Variants in NDST1 observed in about 807,000 individuals in gnomAD.
The protein encoded by NDST1 is N-deacetylase and N-sulfotransferase 1.
A neutral mutation model predicts 92.8 loss-of-function variants in NDST1; 35 were observed. The observed-to-expected ratio is 0.38, with a 90% CI of 0.29 to 0.50. The LOEUF is 0.50. NDST1 is among the 20% of genes least tolerant of loss of function. The probability of loss-of-function intolerance (pLI) is 0.94; values close to 1 mark genes in which losing one functional copy is unlikely to be tolerated. For synonymous variants in NDST1, 493 were observed against 500.3 expected (o/e 0.99, Z 0.19); for missense variants, 822 against 1,182.7 (o/e 0.69, Z 4.47).
intron 1 of NDST1, among the ~76,000 whole-genome samples, 164 bp downstream of exon 1, chr5:150,508,390 G>A (rs942694337): frequency 6.6e-6 from 1 of 152,016 alleles, no homozygotes; most frequent in Non-Finnish European, 1.5e-5. Flanking sequence ...TGGCACTTGA[G>A]CCTGGCACTG....
At chr5:150,514,005 G>A (rs933067885) in intron 1 of NDST1, among the ~76,000 whole-genome samples, 1 of 152,244 alleles carries the variant, frequency 6.6e-6, no homozygotes, top group Non-Finnish European at 1.5e-5. Context: ...GCTGGGACTA[G>A]GGCTAGGGGA....
At chr5:150,544,018 T>C (rs1755367702) in intron 10 of NDST1, among the ~76,000 whole-genome samples, 2 of 152,238 alleles carry the variant, frequency 1.3e-5, no homozygotes, top group African/African-American at 4.8e-5. Flanking sequence ...GACCTCGTGA[T>C]CTGCCCGCCT....
chr5:150,539,491 C>G, intron 7 of NDST1, 135 bp downstream of exon 7: 1 of 1,580,384 alleles, frequency 6.3e-7, no homozygotes, highest in South Asian at 1.1e-5. Flanking sequence ...GAGACCCACT[C>G]TCCAGCACTG....
intron 11 of NDST1, among the ~76,000 whole-genome samples, chr5:150,546,259 G>A (rs559503543): frequency 1.3e-5 from 2 of 152,194 alleles, no homozygotes; most frequent in Admixed American, 1.3e-4. Context: ...GCCTCTCAAA[G>A]TGCTGGCATT....
At chr5:150,551,981 AG>A in intron 14 of NDST1, 126 bp downstream of exon 14, 1 of 1,456,124 alleles carries the variant, frequency 6.9e-7, no homozygotes, top group African/African-American at 1.4e-5. Flanking sequence ...TTTCTTGGAC[AG>A]TATTTGTAAG....
chr5:150,535,686 C>A lies in NDST1; in HGVS notation c.1252-14C>A. 1 of 1,614,144 alleles carries A rather than the reference C, an allele frequency of 6.2e-7. No individual in the cohort carries two copies. Among genetic ancestry groups the A allele is most frequent in the South Asian group, 1.1e-5 (1 of 91,078 alleles). On this transcript the variant is annotated splice_polypyrimidine_tract_variant and intron_variant, in intron 5 of 14. Coordinates refer to ENST00000261797, the MANE Select transcript of NDST1 (RefSeq NM_001543.5). ...ACCCCTATGCTCACCCTGGCCTGGT[C>A]ATCCTCTCCCTAGGAGCATGGCATT...
At chr5:150,551,653 T>C in intron 13 of NDST1, 100 bp from the exon 14 acceptor site, 1 of 1,448,380 alleles carries the variant, frequency 6.9e-7, no homozygotes, top group Non-Finnish European at 9.5e-7. Context: ...AGCAGTAGAT[T>C]CCCTGGTCTC....
rs139479616 is a variant in NDST1 at position 150,526,542 on chromosome 5, C to T, written c.514-1262C>T. Among the ~76,000 whole-genome samples, 686 of 152,300 alleles carry T rather than the reference C, an allele frequency of 4.5e-3. 2 individuals carry two copies. The highest frequency in any genetic ancestry group is 0.016 in the African/African-American group (665 of 41,568). On this transcript the variant is annotated intron_variant, in intron 2 of 14. Transcript: ENST00000261797. Reference sequence around the variant, plus strand: ...GTGTGTGTTCCTGCTGGGTATCAAGCTGGGCACTAGGGGTCCAAAGGCGAA... The same window carrying T: ...GTGTGTGTTCCTGCTGGGTATCAAGTTGGGCACTAGGGGTCCAAAGGCGAA...
chr5:150,535,271 T>C (rs1754931309), intron 5 of NDST1: 1 of 980,546 alleles, frequency 1.0e-6, no homozygotes, highest in Non-Finnish European at 1.2e-6. Flanking sequence ...AGCTGGGACT[T>C]AAACTCAGGC....
chr5:150,501,077 C>T lies in NDST1; in HGVS notation c.-388+2838C>T, dbSNP rs796290302. On this transcript the variant is annotated intron_variant, in intron 1 of 1. Transcript: ENST00000518299. ...TGCAAATTACCCCTCAAACATTCTC[C>T]ATCCCATTTTTTGTTGTTGTTGTTT... Among the ~76,000 whole-genome samples, 236 of 151,748 alleles carry T rather than the reference C, an allele frequency of 1.6e-3. 2 individuals carry two copies. Among genetic ancestry groups the T allele is most frequent in the African/African-American group, 5.4e-3 (225 of 41,582 alleles).
chr5:150,546,354 T>G (rs981001929), intron 11 of NDST1, among the ~76,000 whole-genome samples: 16 of 152,210 alleles, frequency 1.1e-4, no homozygotes, highest in Non-Finnish European at 2.4e-4. Context: ...GCCAGCCCAC[T>G]GAGCCTGCAG....
intron 13 of NDST1, 119 bp from the exon 14 acceptor site, chr5:150,551,634 G>T: frequency 7.9e-7 from 1 of 1,269,520 alleles, no homozygotes. Flanking sequence ...CAGTCCATGT[G>T]GGTTCAAGAG....
intron 4 of NDST1, among the ~76,000 whole-genome samples, chr5:150,534,003 A>T (rs961259687): frequency 6.7e-6 from 1 of 149,312 alleles, no homozygotes; most frequent in African/African-American, 2.4e-5. Context: ...GGATTGCTTG[A>T]TCCCAGGAGT....
intron 2 of NDST1, among the ~76,000 whole-genome samples, chr5:150,525,128 C>T (rs1283218664): frequency 4.6e-5 from 7 of 152,164 alleles, no homozygotes; most frequent in East Asian, 3.9e-4. Context: ...TTGGTGTCTC[C>T]GGAGTGGGTA....
rs117207201 is a variant in NDST1 at position 150,508,182 on chromosome 5, C to T, written c.-432C>T. 302 of 152,548 alleles carry T rather than the reference C, an allele frequency of 2.0e-3. 9 individuals are homozygous for T. In the East Asian group the frequency reaches 0.055, roughly 28 times the overall value. 9.4% of individuals were successfully genotyped at this position (152,548 alleles called of 1,614,324 possible). A position where few individuals can be genotyped will look rare whatever the true frequency, so the allele number is the denominator to read the frequency against. On this transcript the variant is annotated 5_prime_UTR_variant, in exon 1 of 15. Coordinates refer to ENST00000261797, the MANE Select transcript of NDST1 (RefSeq NM_001543.5). ...GTTAAGGAGAGGACATTCGAGAGGG[C>T]GTGGCGAAGTGAAGAGGAACCTCAC...
rs375109574 is a variant in NDST1 at position 150,542,797 on chromosome 5, C to T, written c.1847-51C>T. 7.4e-6 allele frequency: 12 copies of T among 1,613,236 alleles called. No individual in the cohort carries two copies. In the East Asian group the frequency reaches 2.5e-4, roughly 33 times the overall value. Reference sequence around the variant, plus strand: ...GCTAGGCCCAGAACCCAGACTCTATCTTTTGGCTGGGGGCTGGGCCCTGGG... The same window carrying T: ...GCTAGGCCCAGAACCCAGACTCTATTTTTTGGCTGGGGGCTGGGCCCTGGG... On this transcript the variant is annotated intron_variant, in intron 9 of 14. Coordinates refer to ENST00000261797, the MANE Select transcript of NDST1 (RefSeq NM_001543.5).
intron 1 of NDST1, among the ~76,000 whole-genome samples, chr5:150,516,631 G>A (rs1370570279): frequency 6.6e-6 from 1 of 152,136 alleles, no homozygotes; most frequent in African/African-American, 2.4e-5. Flanking sequence ...GTCTGTGGAT[G>A]GGTGGCAGGG....
intron 5 of NDST1, 127 bp downstream of exon 5, chr5:150,535,148 G>T (rs1388894228): frequency 7.1e-6 from 10 of 1,408,998 alleles, no homozygotes; most frequent in Non-Finnish European, 3.9e-6. Flanking sequence ...CTGGGCCAGG[G>T]CCAAGGGAGA....
chr5:150,529,540 C>T (rs1754629355), intron 3 of NDST1, among the ~76,000 whole-genome samples: 1 of 152,084 alleles, frequency 6.6e-6, no homozygotes, highest in South Asian at 2.1e-4. Context: ...ATACAGTTTT[C>T]ATCTACTCAC....
Sources: gnomAD v4.1 joint callset for allele counts (sites outside exome capture counted in the v4.1 genomes callset) on GRCh38, gnomAD v4.1.1 for gene constraint, MANE v1.5 for transcripts, NCBI Gene and HGNC (gene_info 2026-07-23, HGNC 2026-07-21) for gene names.